PAX5: variants seen among roughly 807,000 people sequenced by gnomAD.
PAX5 encodes paired box protein Pax-5.
PAX5 carries 9 observed loss-of-function variants against 43.7 expected under a neutral mutation model. The observed-to-expected ratio is 0.21, with a 90% CI of 0.12 to 0.36. The LOEUF is 0.36. Among genes scored for constraint, PAX5 ranks in the 10% least tolerant of loss-of-function variants. The pLI is 1.00. For synonymous variants in PAX5, 228 were observed against 214.3 expected, an observed-to-expected ratio of 1.06 and a Z score of -0.56; for missense variants, 383 against 532.7, an observed-to-expected ratio of 0.72 and a Z score of 2.77.
At chr9:36,862,126 C>T (rs1306007003) in intron 8 of PAX5, among the ~76,000 whole-genome samples, 2 of 152,082 alleles carry the variant, frequency 1.3e-5, no homozygotes, top group African/African-American at 2.4e-5. Context: ...CTAGTCCTGG[C>T]TCTGCATGAT....
At chr9:36,941,315 C>G (rs753622846) in intron 6 of PAX5, among the ~76,000 whole-genome samples, 21 of 152,312 alleles carry the variant, frequency 1.4e-4, no homozygotes, top group Non-Finnish European at 2.9e-4. Context: ...AAGTGACCAG[C>G]ACTTGACAGA....
chr9:36,838,897 C>A lies in PAX5; in HGVS notation c.*1663G>T. On this transcript the variant is annotated 3_prime_UTR_variant, in exon 10 of 10. Coordinates refer to ENST00000358127, the MANE Select transcript of PAX5 (RefSeq NM_016734.3). ...ACATGTGGCCAGGACCAGGACAAGA[C>A]CTGCCTGGCCTGCTGATCCCAAGTC... is the stretch of plus-strand genomic sequence containing the variant. The A allele has an allele frequency of 4.3e-6, 1 of 233,362 alleles. No individual in the cohort carries two copies. Among genetic ancestry groups the A allele is most frequent in the East Asian group, 6.0e-5 (1 of 16,590 alleles). The allele number at this position is 233,362 out of a possible 1,614,324, so 14.5% of individuals were successfully genotyped here. A position where few individuals can be genotyped will look rare whatever the true frequency, so the allele number is the denominator to read the frequency against.
chr9:36,923,568 A>C, intron 6 of PAX5, 84 bp from the exon 7 acceptor site: 1 of 1,497,030 alleles, frequency 6.7e-7, no homozygotes, highest in Non-Finnish European at 9.0e-7. Context: ...GAGCTCAGCC[A>C]CCAAGCTGAG....
At chr9:36,974,841 C>A (rs542901212) in intron 5 of PAX5, among the ~76,000 whole-genome samples, 3 of 152,154 alleles carry the variant, frequency 2.0e-5, no homozygotes, top group Non-Finnish European at 4.4e-5. Context: ...GAGGCCTCGA[C>A]GACCTGCCCC....
At chr9:36,840,676 GT>G (rs1563877145) in intron 9 of PAX5, 40 bp from the exon 10 acceptor site, 1 of 1,377,238 alleles carries the variant, frequency 7.3e-7, no homozygotes, top group African/African-American at 1.4e-5. Flanking sequence ...CAGATCCGGG[GT>G]CCCCTTTCCA....
intron 8 of PAX5, among the ~76,000 whole-genome samples, chr9:36,859,078 T>C (rs1823942198): frequency 6.6e-6 from 1 of 152,170 alleles, no homozygotes; most frequent in Non-Finnish European, 1.5e-5. Flanking sequence ...CGGGGTTCAC[T>C]GTGTGCTGAG....
intron 5 of PAX5, among the ~76,000 whole-genome samples, chr9:36,999,199 G>A (rs145383723): frequency 2.6e-5 from 4 of 152,206 alleles, no homozygotes; most frequent in African/African-American, 4.8e-5. Flanking sequence ...AAATCCTGCC[G>A]TGCTGGTCCT....
intron 1 of PAX5, among the ~76,000 whole-genome samples, chr9:37,023,821 C>A (rs1840059164): frequency 6.6e-6 from 1 of 152,274 alleles, no homozygotes; most frequent in Non-Finnish European, 1.5e-5. Flanking sequence ...CACAGACAGG[C>A]AAACAGGGGC....
At chr9:36,982,479 C>T (rs761261272) in intron 5 of PAX5, among the ~76,000 whole-genome samples, 4 of 152,098 alleles carry the variant, frequency 2.6e-5, no homozygotes, top group Non-Finnish European at 5.9e-5. Flanking sequence ...GATGGACTTA[C>T]AGTCCAAGCT....
intron 6 of PAX5, among the ~76,000 whole-genome samples, chr9:36,963,003 C>G (rs1834103858): frequency 6.6e-6 from 1 of 152,242 alleles, no homozygotes; most frequent in South Asian, 2.1e-4. Flanking sequence ...CATCCCTTCC[C>G]AGCCTGCGGC....
At chr9:36,870,873 G>A (rs1397853006) in intron 8 of PAX5, among the ~76,000 whole-genome samples, 1 of 152,250 alleles carries the variant, frequency 6.6e-6, no homozygotes, top group Non-Finnish European at 1.5e-5. Context: ...CCCTCAGATT[G>A]CTGCTGCCCA....
chr9:36,995,778 G>C (rs563037975), intron 5 of PAX5, among the ~76,000 whole-genome samples: 1 of 151,996 alleles, frequency 6.6e-6, no homozygotes. Context: ...GGGGAGTCTC[G>C]AGGTCCAGGC....
At chr9:36,887,679 T>C (rs1563933129) in intron 7 of PAX5, among the ~76,000 whole-genome samples, 1 of 152,138 alleles carries the variant, frequency 6.6e-6, no homozygotes, top group Non-Finnish European at 1.5e-5. Flanking sequence ...GAGTTAAAAG[T>C]ACAAAATTCT....
chr9:36,936,772 C>T (rs13299696), intron 6 of PAX5, among the ~76,000 whole-genome samples: 5 of 151,976 alleles, frequency 3.3e-5, no homozygotes, highest in African/African-American at 1.2e-4. Context: ...GGCCTGGATG[C>T]CCCTCCCCAC....
intron 7 of PAX5, among the ~76,000 whole-genome samples, chr9:36,902,260 A>G (rs1010680587): frequency 6.6e-6 from 1 of 152,230 alleles, no homozygotes; most frequent in African/African-American, 2.4e-5. Flanking sequence ...CAGCCTTGAT[A>G]TATCAGTTCC....
intron 6 of PAX5, among the ~76,000 whole-genome samples, chr9:36,934,912 T>C (rs138089067): frequency 7.2e-4 from 109 of 152,324 alleles, no homozygotes; most frequent in African/African-American, 2.5e-3. Context: ...TCAAATGAAC[T>C]TGGACAGGTA....
chr9:37,030,665 A>C (rs2132567016), intron 1 of PAX5, among the ~76,000 whole-genome samples: 1 of 152,370 alleles, frequency 6.6e-6, no homozygotes, highest in African/African-American at 2.4e-5. Context: ...TGAAAGTTTT[A>C]GTACTGAAAG....
chr9:36,864,952 G>T (rs1187147589), intron 8 of PAX5, among the ~76,000 whole-genome samples: 1 of 152,252 alleles, frequency 6.6e-6, no homozygotes, highest in Non-Finnish European at 1.5e-5. Flanking sequence ...GGGCTGGCAG[G>T]CGGGCTGGGG....
chr9:36,987,129 G>A (rs982137224), intron 5 of PAX5, among the ~76,000 whole-genome samples: 4 of 152,200 alleles, frequency 2.6e-5, no homozygotes, highest in Non-Finnish European at 5.9e-5. Context: ...GGCCAGTTGG[G>A]TTTCAAACGC....
Sources: gnomAD v4.1 joint callset for allele counts (sites outside exome capture counted in the v4.1 genomes callset) on GRCh38, gnomAD v4.1.1 for gene constraint, MANE v1.5 for transcripts, NCBI Gene and HGNC (gene_info 2026-07-23, HGNC 2026-07-21) for gene names.